The following GPC6 variants were observed in gnomAD, a reference collection of about 807,000 sequenced individuals.
The protein encoded by GPC6 is glypican 6.
In GPC6, 14 loss-of-function variants were observed where a neutral mutation model predicts 55.2. That is an observed-to-expected ratio of 0.25 (90% CI 0.17 to 0.40). The LOEUF is 0.40. GPC6 is among the 10% of genes least tolerant of loss of function. The pLI is 1.00. For synonymous variants in GPC6, 278 were observed against 259.6 expected (o/e 1.07, Z -0.68); for missense variants, 641 against 708.5 (o/e 0.90, Z 1.08).
At chr13:94,141,190 G>A (rs752144685) in intron 4 of GPC6, among the ~76,000 whole-genome samples, 3 of 152,106 alleles carry the variant, frequency 2.0e-5, no homozygotes, top group Non-Finnish European at 2.9e-5. Context: ...TACATGGAAG[G>A]CATGCATTGG....
At chr13:93,979,132 T>C (rs925549605) in intron 3 of GPC6, among the ~76,000 whole-genome samples, 3 of 152,070 alleles carry the variant, frequency 2.0e-5, no homozygotes, top group African/African-American at 7.2e-5. Flanking sequence ...GGAAATATTA[T>C]GTATCTACAC....
intron 4 of GPC6, among the ~76,000 whole-genome samples, chr13:94,201,073 A>G (rs1345763177): frequency 6.6e-6 from 1 of 152,254 alleles, no homozygotes; most frequent in African/African-American, 2.4e-5. Context: ...CAAGGCTGTC[A>G]GGGAGGCTGC....
chr13:94,350,786 G>A (rs1389859989), intron 6 of GPC6, among the ~76,000 whole-genome samples: 1 of 152,088 alleles, frequency 6.6e-6, no homozygotes, highest in Non-Finnish European at 1.5e-5. Flanking sequence ...GAAGGTCTGG[G>A]GCACACAGAT....
chr13:93,633,120 T>A (rs1879530682), intron 2 of GPC6, among the ~76,000 whole-genome samples: 1 of 152,226 alleles, frequency 6.6e-6, no homozygotes, highest in Non-Finnish European at 1.5e-5. Context: ...ATTTAATGTG[T>A]TCTCATGGGT....
chr13:93,907,814 T>C (rs1169175327), intron 3 of GPC6, among the ~76,000 whole-genome samples: 1 of 152,154 alleles, frequency 6.6e-6, no homozygotes, highest in Non-Finnish European at 1.5e-5. Context: ...ATATTAGTTA[T>C]ACAGTTTTTG....
chr13:94,118,304 G>A (rs1886505088), intron 4 of GPC6, among the ~76,000 whole-genome samples: 1 of 152,042 alleles, frequency 6.6e-6, no homozygotes, highest in Non-Finnish European at 1.5e-5. Flanking sequence ...TTGCTTGGCA[G>A]TTCTCTCTCC....
chr13:94,336,673 T>C (rs1428083204), intron 6 of GPC6, among the ~76,000 whole-genome samples: 2 of 152,062 alleles, frequency 1.3e-5, no homozygotes, highest in Admixed American at 1.3e-4. Context: ...GAATATCTGC[T>C]TTCTCTGCAA....
intron 3 of GPC6, among the ~76,000 whole-genome samples, chr13:93,845,339 G>A (rs2139003607): frequency 6.7e-6 from 1 of 149,696 alleles, no homozygotes. Flanking sequence ...AACAACAGGT[G>A]CTGGAGAGGA....
intron 2 of GPC6, among the ~76,000 whole-genome samples, chr13:93,787,823 C>T (rs1436499652): frequency 2.6e-5 from 4 of 152,108 alleles, no homozygotes; most frequent in Non-Finnish European, 4.4e-5. Context: ...CTTTTATCCC[C>T]TCACTATCTT....
chr13:93,878,159 A>C (rs1230575611), intron 3 of GPC6, among the ~76,000 whole-genome samples: 1 of 152,068 alleles, frequency 6.6e-6, no homozygotes, highest in Non-Finnish European at 1.5e-5. Context: ...AGAAGAAAAG[A>C]GGAGCAGTAC....
chr13:93,639,854 A>G (rs1388582148), intron 2 of GPC6, among the ~76,000 whole-genome samples: 1 of 152,128 alleles, frequency 6.6e-6, no homozygotes, highest in Non-Finnish European at 1.5e-5. Flanking sequence ...CATCTTTATA[A>G]ATTTAGCATT....
intron 3 of GPC6, among the ~76,000 whole-genome samples, chr13:93,987,815 A>G (rs1881101831): frequency 6.6e-6 from 1 of 152,134 alleles, no homozygotes; most frequent in South Asian, 2.1e-4. Context: ...TGTTTTTTGC[A>G]TAAAGAGATA....
chr13:94,217,946 C>A (rs1451529663), intron 4 of GPC6, among the ~76,000 whole-genome samples: 1 of 152,144 alleles, frequency 6.6e-6, no homozygotes, highest in African/African-American at 2.4e-5. Context: ...TAGCACTTCA[C>A]CAATATGAGT....
intron 2 of GPC6, among the ~76,000 whole-genome samples, chr13:93,630,443 C>G (rs1334407838): frequency 6.6e-6 from 1 of 152,104 alleles, no homozygotes; most frequent in East Asian, 1.9e-4. Flanking sequence ...GAGGACATTG[C>G]CAAGCATACA....
intron 4 of GPC6, among the ~76,000 whole-genome samples, chr13:94,188,861 A>G (rs529986900): frequency 2.0e-5 from 3 of 152,282 alleles, no homozygotes; most frequent in Admixed American, 1.3e-4. Flanking sequence ...TCAAAGTCTC[A>G]CAATCTGGTC....
At chr13:93,284,928 A>G (rs539487493) in intron 1 of GPC6, among the ~76,000 whole-genome samples, 16 of 152,326 alleles carry the variant, frequency 1.1e-4, no homozygotes, top group African/African-American at 2.6e-4. Context: ...CCTTCTTGGC[A>G]AAGTAATATC....
At chr13:94,251,108 A>G (rs531920917) in intron 4 of GPC6, among the ~76,000 whole-genome samples, 231 of 152,228 alleles carry the variant, frequency 1.5e-3, no homozygotes, top group Non-Finnish European at 2.4e-3. Context: ...CATATACACC[A>G]TAGAATACTA....
chr13:93,884,343 A>G (rs751142764), intron 3 of GPC6, among the ~76,000 whole-genome samples: 4 of 152,062 alleles, frequency 2.6e-5, no homozygotes, highest in East Asian at 3.9e-4. Flanking sequence ...AAGTTTATCA[A>G]TTGTTGTTCA....
At chr13:93,354,672 G>T (rs796129401) in intron 1 of GPC6, among the ~76,000 whole-genome samples, 55 of 149,376 alleles carry the variant, frequency 3.7e-4, no homozygotes, top group African/African-American at 1.2e-3. Context: ...CCTTCTGTTG[G>T]TAGATTTAAG....
Sources: allele counts gnomAD v4.1 joint callset (sites outside exome capture counted in the v4.1 genomes callset), GRCh38; gene constraint gnomAD v4.1.1; transcripts MANE v1.5; gene names NCBI Gene and HGNC (gene_info 2026-07-23, HGNC 2026-07-21).